Variants in PTPRD observed in about 807,000 individuals in gnomAD.
PTPRD encodes protein tyrosine phosphatase receptor type D.
In PTPRD, 34 loss-of-function variants were observed where a neutral mutation model predicts 214.5. The ratio of observed to expected loss-of-function variants is 0.16; its 90% CI spans 0.12 to 0.21. PTPRD has a LOEUF of 0.21. Ranked by LOEUF, PTPRD falls within the 10% of genes least tolerant of loss-of-function variation. PTPRD has a pLI of 1.00. For synonymous variants in PTPRD, 1,128 were observed against 845.7 expected (o/e 1.33, Z -5.79); for missense variants, 2,545 against 2,398.7 (o/e 1.06, Z -1.27).
At chr9:8,508,917 G>C (rs7039196) in intron 21 of PTPRD, among the ~76,000 whole-genome samples, 5,749 of 151,636 alleles carry the variant, frequency 0.038, 359 homozygotes, top group African/African-American at 0.13. Context: ...GTGTGTGTGT[G>C]TGTGTGTGTA....
intron 33 of PTPRD, 131 bp from the exon 34 acceptor site, chr9:8,449,968 T>C: frequency 1.2e-6 from 1 of 844,318 alleles, no homozygotes; most frequent in Non-Finnish European, 1.8e-6. Flanking sequence ...CCCAGCTGAC[T>C]TGTGACCCAG....
intron 9 of PTPRD, among the ~76,000 whole-genome samples, chr9:9,353,550 G>A (rs895801352): frequency 4.6e-5 from 7 of 151,398 alleles, no homozygotes; most frequent in Non-Finnish European, 2.9e-5. Flanking sequence ...ATTTAATTTT[G>A]CCTTAATTTC....
intron 7 of PTPRD, among the ~76,000 whole-genome samples, chr9:9,632,499 A>T (rs2095624928): frequency 6.6e-6 from 1 of 152,168 alleles, no homozygotes; most frequent in Non-Finnish European, 1.5e-5. Flanking sequence ...ATGATTGTAC[A>T]ATCTTGTAAA....
At chr9:8,946,940 G>A (rs1199271360) in intron 11 of PTPRD, among the ~76,000 whole-genome samples, 2 of 148,396 alleles carry the variant, frequency 1.3e-5, no homozygotes, top group Non-Finnish European at 3.0e-5. Flanking sequence ...TTGTCTGTCT[G>A]CCTCTGCATC....
intron 8 of PTPRD, among the ~76,000 whole-genome samples, chr9:9,437,446 T>C (rs200758498): frequency 3.0e-4 from 1 of 3,336 alleles, no homozygotes; most frequent in South Asian, 4.8e-3. Context: ...GTGTATCAGG[T>C]TTTTTTATGC....
chr9:8,524,639 G>C, intron 18 of PTPRD: 1 of 472,916 alleles, frequency 2.1e-6, no homozygotes, highest in Non-Finnish European at 3.8e-6. Flanking sequence ...TCAAACAAAT[G>C]CAAAGCACAG....
chr9:8,605,479 C>A (rs1250609220), intron 14 of PTPRD, among the ~76,000 whole-genome samples: 2 of 152,090 alleles, frequency 1.3e-5, no homozygotes, highest in African/African-American at 2.4e-5. Flanking sequence ...TTTCATTTCA[C>A]AAAAGAGAAG....
intron 39 of PTPRD, among the ~76,000 whole-genome samples, chr9:8,351,001 CAAAGAGAGTAG>C (rs2075291559): frequency 6.6e-6 from 1 of 152,064 alleles, no homozygotes; most frequent in African/African-American, 2.4e-5. Context: ...CACATATGCA[CAAAGAGAGTAG>C]AAAGAGATTT....
chr9:8,843,902 C>A (rs1338643156), intron 11 of PTPRD, among the ~76,000 whole-genome samples: 1 of 152,148 alleles, frequency 6.6e-6, no homozygotes, highest in Non-Finnish European at 1.5e-5. Context: ...TTTTTGGGAT[C>A]TTAGGTTCCT....
intron 8 of PTPRD, among the ~76,000 whole-genome samples, chr9:9,400,749 AGAGT>A (rs1357378862): frequency 6.6e-6 from 1 of 152,130 alleles, no homozygotes; most frequent in Non-Finnish European, 1.5e-5. Context: ...GATGCTGGTA[AGAGT>A]GAGGAAATGG....
chr9:8,833,928 G>C (rs78770691), intron 11 of PTPRD, among the ~76,000 whole-genome samples: 18,426 of 151,674 alleles, frequency 0.12, 1,368 homozygotes, highest in East Asian at 0.27. Context: ...TAAAAACACC[G>C]GGCATTTTAA....
intron 2 of PTPRD, among the ~76,000 whole-genome samples, chr9:10,403,700 A>C (rs527975819): frequency 1.1e-4 from 17 of 151,850 alleles, no homozygotes; most frequent in African/African-American, 3.4e-4. Flanking sequence ...CCATGAAAAG[A>C]CAGGGAGGAA....
intron 4 of PTPRD, among the ~76,000 whole-genome samples, chr9:9,971,333 G>C (rs1310295056): frequency 6.6e-6 from 1 of 152,134 alleles, no homozygotes; most frequent in South Asian, 2.1e-4. Context: ...GTGTTGAGCG[G>C]TATGGCTATA....
At chr9:10,212,675 T>A (rs143536665) in intron 3 of PTPRD, among the ~76,000 whole-genome samples, 27 of 152,260 alleles carry the variant, frequency 1.8e-4, no homozygotes, top group Non-Finnish European at 3.5e-4. Context: ...TTTAATCTTT[T>A]CCCCATAAAC....
chr9:8,976,505 T>C (rs146546947), intron 11 of PTPRD, among the ~76,000 whole-genome samples: 14 of 152,222 alleles, frequency 9.2e-5, no homozygotes, highest in African/African-American at 3.1e-4. Flanking sequence ...AAAACATATA[T>C]AAAGTTTGTG....
At chr9:9,669,432 A>C (rs939991044) in intron 7 of PTPRD, among the ~76,000 whole-genome samples, 1 of 152,194 alleles carries the variant, frequency 6.6e-6, no homozygotes, top group African/African-American at 2.4e-5. Context: ...AAAAGATCAA[A>C]GTGGTGCATC....
intron 8 of PTPRD, among the ~76,000 whole-genome samples, chr9:9,538,021 T>A (rs780777931): frequency 6.6e-6 from 1 of 151,906 alleles, no homozygotes; most frequent in Non-Finnish European, 1.5e-5. Context: ...TGGGATAAAC[T>A]ATTAGTAACA....
At chr9:9,265,368 G>T (rs1296211375) in intron 9 of PTPRD, among the ~76,000 whole-genome samples, 2 of 151,448 alleles carry the variant, frequency 1.3e-5, no homozygotes, top group East Asian at 3.9e-4. Context: ...CTGAAGTGAT[G>T]CTGCCCTACT....
At chr9:10,423,611 G>T (rs2098576492) in intron 2 of PTPRD, among the ~76,000 whole-genome samples, 1 of 151,758 alleles carries the variant, frequency 6.6e-6, no homozygotes. Flanking sequence ...AATTATAATG[G>T]CAGAATGAAA....
Sources: allele counts gnomAD v4.1 joint callset (sites outside exome capture counted in the v4.1 genomes callset), GRCh38; gene constraint gnomAD v4.1.1; transcripts MANE v1.5; gene names NCBI Gene and HGNC (gene_info 2026-07-23, HGNC 2026-07-21).